ADGRA3: variants seen among roughly 807,000 people sequenced by gnomAD.
ADGRA3 encodes adhesion G protein-coupled receptor A3, also known as G-protein coupled receptor 125.
ADGRA3 carries 56 observed loss-of-function variants against 119.8 expected under a neutral mutation model. The ratio of observed to expected loss-of-function variants is 0.47; its 90% CI spans 0.38 to 0.58. The LOEUF is 0.58. ADGRA3 is among the 20% of genes least tolerant of loss of function. ADGRA3 has a pLI of 0.00. For missense variants in ADGRA3, 1,516 were observed against 1,649.0 expected, an observed-to-expected ratio of 0.92 and a Z score of 1.40; for synonymous variants, 607 against 623.8, an observed-to-expected ratio of 0.97 and a Z score of 0.40.
chr4:22,495,718 C>G (rs1159639510), intron 1 of ADGRA3, among the ~76,000 whole-genome samples: 2 of 151,662 alleles, frequency 1.3e-5, no homozygotes, highest in Non-Finnish European at 2.9e-5. Flanking sequence ...ATCATCCTGG[C>G]TAACACGGTG....
intron 16 of ADGRA3, among the ~76,000 whole-genome samples, chr4:22,396,041 C>T (rs750574917): frequency 2.4e-4 from 37 of 152,120 alleles, no homozygotes; most frequent in Non-Finnish European, 4.0e-4. Context: ...CCAGCTGAAT[C>T]CTTTTATGGC....
At chr4:22,449,412 T>C (rs948808924) in intron 4 of ADGRA3, among the ~76,000 whole-genome samples, 1 of 152,096 alleles carries the variant, frequency 6.6e-6, no homozygotes, top group Admixed American at 6.6e-5. Flanking sequence ...CAAGACATGG[T>C]AGGTAAAACT....
At chr4:22,451,037 T>G (rs894008165) in intron 4 of ADGRA3, among the ~76,000 whole-genome samples, 2 of 150,122 alleles carry the variant, frequency 1.3e-5, no homozygotes, top group Non-Finnish European at 1.5e-5. Flanking sequence ...GAAATCTAAT[T>G]TTTCCTTCAT....
intron 14 of ADGRA3, among the ~76,000 whole-genome samples, chr4:22,405,985 C>A (rs6448154): frequency 0.69 from 105,501 of 151,808 alleles, 37,027 homozygotes; most frequent in Non-Finnish European, 0.75. Flanking sequence ...CCCTTCCCAG[C>A]CTCTGGTATT....
At chr4:22,490,323 T>G (rs975194003) in intron 1 of ADGRA3, among the ~76,000 whole-genome samples, 3 of 152,218 alleles carry the variant, frequency 2.0e-5, no homozygotes, top group African/African-American at 7.2e-5. Context: ...AACCCATTTT[T>G]TAAGGTGTCT....
intron 12 of ADGRA3, 46 bp downstream of exon 12, chr4:22,420,840 T>C (rs765989845): frequency 1.3e-6 from 2 of 1,559,150 alleles, no homozygotes; most frequent in Non-Finnish European, 1.8e-6. Context: ...TGGAGCATTC[T>C]AATTTAACTG....
chr4:22,460,668 C>T (rs569227352), intron 3 of ADGRA3, among the ~76,000 whole-genome samples: 47 of 152,326 alleles, frequency 3.1e-4, no homozygotes, highest in Non-Finnish European at 3.5e-4. Context: ...TCTAAGCCAC[C>T]TCTTTTGAGA....
chr4:22,463,019 C>T (rs1486009567), intron 2 of ADGRA3, among the ~76,000 whole-genome samples: 1 of 152,160 alleles, frequency 6.6e-6, no homozygotes, highest in Non-Finnish European at 1.5e-5. Context: ...CTTTATGGGA[C>T]ACCCTCAGCT....
At chr4:22,417,350 A>C (rs1715469492) in intron 12 of ADGRA3, among the ~76,000 whole-genome samples, 1 of 152,176 alleles carries the variant, frequency 6.6e-6, no homozygotes, top group East Asian at 1.9e-4. Flanking sequence ...CCTGTCCCCC[A>C]AAATTCATAG....
chr4:22,418,291 T>C (rs1715508705), intron 12 of ADGRA3, among the ~76,000 whole-genome samples: 1 of 152,204 alleles, frequency 6.6e-6, no homozygotes, highest in Admixed American at 6.5e-5. Context: ...GAAACCCATC[T>C]TGATTCTCAG....
chr4:22,514,838 T>C (rs964790093), intron 1 of ADGRA3, among the ~76,000 whole-genome samples: 1 of 151,936 alleles, frequency 6.6e-6, no homozygotes, highest in African/African-American at 2.4e-5. Context: ...AATCCGAAAA[T>C]CAAAAATCCC....
At chr4:22,512,307 C>T (rs1375707278) in intron 1 of ADGRA3, among the ~76,000 whole-genome samples, 1 of 152,106 alleles carries the variant, frequency 6.6e-6, no homozygotes, top group Non-Finnish European at 1.5e-5. Flanking sequence ...TCTTTTGCTA[C>T]ATGTGCACCC....
chr4:22,445,022 T>C lies in ADGRA3; in HGVS notation c.657A>G (p.Ser219=). 6.2e-7 allele frequency: 1 copy of C among 1,613,832 alleles called. No homozygotes were observed. Among genetic ancestry groups the C allele is most frequent in the Non-Finnish European group, 8.5e-7 (1 of 1,179,930 alleles). The change falls in exon 6 of 19, where the codon TCA becomes TCG. Residue 219 remains serine (S), a synonymous_variant. Transcript: ENST00000334304. The part of the protein sequence containing the change: ...VRDTRCVYPK[S]LQAQPVTGVK... ...CGCCTGTGACTGGTTGGGCCTGCAGTGACTTAGGATAAACACACCTGGTAT... is the reference window on the plus strand; with the variant it reads ...CGCCTGTGACTGGTTGGGCCTGCAGCGACTTAGGATAAACACACCTGGTAT...
intron 10 of ADGRA3, among the ~76,000 whole-genome samples, chr4:22,430,518 T>C (rs1413894422): frequency 1.3e-5 from 2 of 152,128 alleles, no homozygotes; most frequent in Non-Finnish European, 2.9e-5. Flanking sequence ...TTGAGAGAGA[T>C]GATTTAGGGT....
intron 2 of ADGRA3, among the ~76,000 whole-genome samples, chr4:22,472,510 C>T (rs1435606676): frequency 6.6e-6 from 1 of 152,092 alleles, no homozygotes; most frequent in African/African-American, 2.4e-5. Context: ...GTGCCAAGAA[C>T]ATTTAAAAAT....
intron 3 of ADGRA3, among the ~76,000 whole-genome samples, chr4:22,456,207 A>G (rs1717230238): frequency 6.6e-6 from 1 of 152,164 alleles, no homozygotes; most frequent in South Asian, 2.1e-4. Flanking sequence ...GACTATTTCA[A>G]AAGTTAAAAT....
At chr4:22,437,212 T>A (rs183398407) in intron 8 of ADGRA3, among the ~76,000 whole-genome samples, 1 of 152,224 alleles carries the variant, frequency 6.6e-6, no homozygotes, top group Admixed American at 6.5e-5. Flanking sequence ...TATAGATCAA[T>A]ACCTAATCTA....
intron 6 of ADGRA3, among the ~76,000 whole-genome samples, chr4:22,443,570 C>G (rs1194897907): frequency 1.3e-5 from 2 of 151,816 alleles, no homozygotes; most frequent in African/African-American, 4.8e-5. Flanking sequence ...ATTTATGAAG[C>G]AAGAAATTAT....
At chr4:22,397,020 T>TA (rs1714384570) in intron 16 of ADGRA3, among the ~76,000 whole-genome samples, 1 of 152,260 alleles carries the variant, frequency 6.6e-6, no homozygotes, top group Admixed American at 6.5e-5. Context: ...ACTCTCCTAA[T>TA]AGAGTCAAAA....
Sources: allele counts gnomAD v4.1 joint callset (sites outside exome capture counted in the v4.1 genomes callset), GRCh38; gene constraint gnomAD v4.1.1; transcripts MANE v1.5; gene names NCBI Gene and HGNC (gene_info 2026-07-23, HGNC 2026-07-21).